The following IMMP1L variants were observed in gnomAD, a reference collection of about 807,000 sequenced individuals.
The protein encoded by IMMP1L is inner mitochondrial membrane peptidase subunit 1, also known as mitochondrial inner membrane protease subunit 1.
IMMP1L carries 24 observed loss-of-function variants against 21.8 expected under a neutral mutation model. The ratio of observed to expected loss-of-function variants is 1.10; its 90% CI spans 0.80 to 1.55. IMMP1L has a LOEUF of 1.55. IMMP1L is among the 40% of genes most tolerant of loss of function. IMMP1L has a pLI of 0.00. For missense variants in IMMP1L, 195 were observed against 200.7 expected (o/e 0.97, Z 0.17); for synonymous variants, 46 against 62.8 (o/e 0.73, Z 1.26).
chr11:31,482,040 A>G (rs1954908777), intron 1 of IMMP1L, among the ~76,000 whole-genome samples: 1 of 152,078 alleles, frequency 6.6e-6, no homozygotes, highest in Non-Finnish European at 1.5e-5. Flanking sequence ...GCAAACTAAC[A>G]AACAACTAAA....
chr11:31,455,421 A>G (rs545781550), intron 4 of IMMP1L, among the ~76,000 whole-genome samples: 2 of 152,214 alleles, frequency 1.3e-5, no homozygotes, highest in Non-Finnish European at 2.9e-5. Flanking sequence ...TCTGTTACAG[A>G]AGCCATGTGA....
intron 4 of IMMP1L, among the ~76,000 whole-genome samples, chr11:31,437,617 T>C (rs1043357546): frequency 1.3e-5 from 2 of 152,232 alleles, no homozygotes; most frequent in Non-Finnish European, 2.9e-5. Context: ...GTATATTTTA[T>C]ATACAGTAAA....
At chr11:31,447,043 T>C (rs926039387) in intron 4 of IMMP1L, among the ~76,000 whole-genome samples, 1 of 152,210 alleles carries the variant, frequency 6.6e-6, no homozygotes, top group Non-Finnish European at 1.5e-5. Context: ...AGATACAGGA[T>C]ATTTCCATTA....
chr11:31,490,536 GAA>G (rs1955220851), intron 1 of IMMP1L, among the ~76,000 whole-genome samples: 1 of 150,976 alleles, frequency 6.6e-6, no homozygotes, highest in Non-Finnish European at 1.5e-5. Context: ...AGTCTGAGAA[GAA>G]AAGTGATTTT....
chr11:31,456,270 C>T lies in IMMP1L; in HGVS notation c.311G>A (p.Ser104Asn). 1 of 1,593,790 alleles carries T rather than the reference C, an allele frequency of 6.3e-7. No homozygotes were observed. Residue 104 changes from serine to asparagine, a missense_variant, in exon 4 of 6, where the codon AGC becomes AAC. Coordinates refer to ENST00000532287, the MANE Select transcript of IMMP1L (RefSeq NM_001304274.2). ...TGAAATGTTACTTACATAACTATGGCTTTTAAAGAAATCTGATGGACTAGT... is the reference window on the plus strand; with the variant it reads ...TGAAATGTTACTTACATAACTATGGTTTTTAAAGAAATCTGATGGACTAGT... ...LTTSPSDFFK[S>N]HSYVPMGHVW... is the part of the protein sequence containing the mutation.
chr11:31,433,834 CTG>C (rs1953015633), intron 4 of IMMP1L: 1 of 301,402 alleles, frequency 3.3e-6, no homozygotes, highest in African/African-American at 2.2e-5. Context: ...AAACCCCAAA[CTG>C]AGGTTATAAG....
chr11:31,437,707 T>C (rs538863171), intron 4 of IMMP1L, among the ~76,000 whole-genome samples: 1 of 152,160 alleles, frequency 6.6e-6, no homozygotes, highest in African/African-American at 2.4e-5. Context: ...ATACAGGATG[T>C]TTCTTCCATG....
chr11:31,438,544 G>C (rs1348970454), intron 4 of IMMP1L, among the ~76,000 whole-genome samples: 1 of 151,810 alleles, frequency 6.6e-6, no homozygotes, highest in African/African-American at 2.4e-5. Flanking sequence ...TTTTCCTATT[G>C]TGTTTCGTGC....
At chr11:31,491,432 C>T (rs991023001) in intron 1 of IMMP1L, among the ~76,000 whole-genome samples, 1 of 152,096 alleles carries the variant, frequency 6.6e-6, no homozygotes, top group Non-Finnish European at 1.5e-5. Context: ...AATAGCAGTC[C>T]TTGTTGTAAA....
chr11:31,482,260 A>C (rs996292363), intron 1 of IMMP1L, among the ~76,000 whole-genome samples: 3 of 152,124 alleles, frequency 2.0e-5, no homozygotes, highest in African/African-American at 7.2e-5. Context: ...TAAAGCAAAA[A>C]TGCTTTTGAA....
rs34229840 is a variant in IMMP1L, at chr11:31,467,780, AT to A, written c.-29-4476del. 3.7e-3 allele frequency among the ~76,000 whole-genome samples: 532 copies of A among 143,442 alleles called. 1 individual carries two copies. Among genetic ancestry groups the A allele is most frequent in the Non-Finnish European group, 4.6e-3 (300 of 65,044 alleles). 94.1% of individuals were successfully genotyped at this position (143,442 alleles called of 152,430 possible). Reference sequence around the variant, plus strand: ...TATTTGAAAAGTATCAAAGTAGATAATTTTTTTTTTTTTTTTTACAAAGGGA... The same window carrying A: ...TATTTGAAAAGTATCAAAGTAGATAATTTTTTTTTTTTTTTTACAAAGGGA... On this transcript the variant is annotated intron_variant, in intron 1 of 5. Coordinates refer to ENST00000532287, the MANE Select transcript of IMMP1L (RefSeq NM_001304274.2).
Position 31,501,280 on chromosome 11 carries a change from T to A in IMMP1L, c.-30+8239A>T, listed in dbSNP as rs796951779. On this transcript the variant is annotated intron_variant, in intron 1 of 5. Transcript: ENST00000532287. ...GTCTGAATGTGTCCCCCAAAAAGCA[T>A]GTGTTGAAAATTTAATTCCCAGTGC... 2.0e-5 allele frequency among the ~76,000 whole-genome samples: 3 copies of A among 152,280 alleles called. No homozygotes were observed. The East Asian group carries it at 5.8e-4, about 29-fold the overall frequency.
At chr11:31,506,478 C>T (rs1955782114) in intron 1 of IMMP1L, among the ~76,000 whole-genome samples, 1 of 151,818 alleles carries the variant, frequency 6.6e-6, no homozygotes, top group Non-Finnish European at 1.5e-5. Context: ...GATCTGCACG[C>T]CTCGTCCTCC....
At chr11:31,501,554 T>C (rs917450710) in intron 1 of IMMP1L, among the ~76,000 whole-genome samples, 6 of 152,170 alleles carry the variant, frequency 3.9e-5, no homozygotes, top group African/African-American at 1.4e-4. Flanking sequence ...CATTATACAT[T>C]ACCCAGTCTC....
intron 1 of IMMP1L, among the ~76,000 whole-genome samples, chr11:31,480,808 A>G (rs1346703143): frequency 6.6e-6 from 1 of 152,112 alleles, no homozygotes; most frequent in Non-Finnish European, 1.5e-5. Context: ...CTTTCTAACC[A>G]TCAATAGATG....
chr11:31,483,071 G>T lies in IMMP1L; in HGVS notation c.-29-19766C>A, dbSNP rs573874096. 1.3e-4 allele frequency among the ~76,000 whole-genome samples: 20 copies of T among 151,962 alleles called. No homozygotes were observed. The South Asian group carries it at 3.7e-3, about 28-fold the overall frequency. On this transcript the variant is annotated intron_variant, in intron 1 of 5. Transcript: ENST00000532287. ...AATCAGACACACAAAAAATGATACT[G>T]TATAATTTTCTATATATAATACAAA...
chr11:31,488,800 G>C (rs1955163061), intron 1 of IMMP1L, among the ~76,000 whole-genome samples: 1 of 152,096 alleles, frequency 6.6e-6, no homozygotes, highest in South Asian at 2.1e-4. Context: ...ACACTGACTT[G>C]AATGTCAAAA....
chr11:31,473,524 C>T (rs1954636399), intron 1 of IMMP1L, among the ~76,000 whole-genome samples: 1 of 152,092 alleles, frequency 6.6e-6, no homozygotes, highest in South Asian at 2.1e-4. Flanking sequence ...TTTTTGGATA[C>T]TATAAAATAG....
intron 1 of IMMP1L, among the ~76,000 whole-genome samples, chr11:31,487,733 C>T (rs892867671): frequency 1.2e-4 from 18 of 151,744 alleles, no homozygotes; most frequent in African/African-American, 4.1e-4. Context: ...ACAAAAAAAC[C>T]CTACACAATT....
Sources: allele counts gnomAD v4.1 joint callset (sites outside exome capture counted in the v4.1 genomes callset), GRCh38; gene constraint gnomAD v4.1.1; transcripts MANE v1.5; gene names NCBI Gene and HGNC (gene_info 2026-07-23, HGNC 2026-07-21).